PLCZ1: variants seen among roughly 807,000 people sequenced by gnomAD.
PLCZ1 encodes phospholipase C zeta 1, also known as 1-phosphatidylinositol 4,5-bisphosphate phosphodiesterase zeta-1.
Under a neutral mutation model 76.8 loss-of-function variants are expected in PLCZ1, and 64 were observed. That is an observed-to-expected ratio of 0.83 (90% CI 0.68 to 1.03). The LOEUF (loss-of-function observed/expected upper bound fraction) is 1.03. Among genes scored for constraint, PLCZ1 ranks in the 50% least tolerant of loss-of-function variants. The pLI, the probability that PLCZ1 is intolerant of heterozygous loss-of-function variation, is 0.00. For missense variants in PLCZ1, 751 were observed against 713.7 expected, an observed-to-expected ratio of 1.05 and a Z score of -0.60; for synonymous variants, 248 against 230.8, an observed-to-expected ratio of 1.07 and a Z score of -0.68.
chr12:18,652,910 G>A, the PLCZ1 span, among the ~76,000 whole-genome samples: 1 of 151,708 alleles, frequency 6.6e-6, no homozygotes, highest in Non-Finnish European at 1.5e-5. Context: ...TATATGTTCA[G>A]AATATACATA....
chr12:18,706,341 ATATTTT>A (rs1480709280), intron 6 of PLCZ1, among the ~76,000 whole-genome samples: 1 of 152,218 alleles, frequency 6.6e-6, no homozygotes, highest in African/African-American at 2.4e-5. Context: ...GTAGCATGCT[ATATTTT>A]TATTGTTAAT....
intron 7 of PLCZ1, among the ~76,000 whole-genome samples, chr12:18,704,448 C>T (rs531725938): frequency 6.6e-6 from 1 of 152,218 alleles, no homozygotes; most frequent in African/African-American, 2.4e-5. Context: ...GCCTCAGTCT[C>T]CCTAGTAGCT....
chr12:18,723,366 C>T lies in PLCZ1; in HGVS notation c.312G>A (p.Glu104=). Residue 104 remains glutamate, a synonymous_variant, in exon 4 of 15, where the codon GAG becomes GAA. Coordinates refer to ENST00000266505, the MANE Select transcript of PLCZ1 (RefSeq NM_033123.4). Reference sequence around the variant, plus strand: ...TCTCAAAAGCAATAGCTTTACTCATCTCAGCTGCATATTGTTCTTGTGTCA... The same window carrying T: ...TCTCAAAAGCAATAGCTTTACTCATTTCAGCTGCATATTGTTCTTGTGTCA... ...QFLTQEQYAA[E]MSKAIAFEII... 6.2e-7 allele frequency: 1 copy of T among 1,612,916 alleles called. No individual in the cohort carries two copies. The highest frequency in any genetic ancestry group is 8.5e-7 in the Non-Finnish European group (1 of 1,179,416).
chr12:18,676,212 T>C, the PLCZ1 span, among the ~76,000 whole-genome samples: 1 of 152,132 alleles, frequency 6.6e-6, no homozygotes, highest in Non-Finnish European at 1.5e-5. Flanking sequence ...AACCAGGTCC[T>C]AATCATGTTG....
the PLCZ1 span, among the ~76,000 whole-genome samples, chr12:18,667,000 A>G: frequency 9.9e-5 from 15 of 152,192 alleles, no homozygotes; most frequent in African/African-American, 2.7e-4. Context: ...GCCTAGAACT[A>G]AAAATACCGT....
rs781075636 is a variant in PLCZ1, at chr12:18,712,966, C to T, written c.590G>A (p.Arg197His). ...GYVSALVKGC[R>H]CLEIDCWDGA... ...ATCCCAGCAGTCAATCTCCAAACAA[C>T]GGCATCCTTTCACAAGGGCACTAGC... Residue 197 changes from arginine to histidine, a missense_variant, in exon 6 of 15, where the codon CGT (arginine) becomes CAT (histidine). By Grantham distance (29) the Arg-to-His change is conservative. Transcript: ENST00000266505. The T allele has an allele frequency of 2.1e-5, 34 of 1,613,772 alleles. No individual in the cohort carries two copies. Among genetic ancestry groups the T allele is most frequent in the Non-Finnish European group, 2.4e-5 (28 of 1,179,854 alleles).
chr12:18,658,173 TC>T, the PLCZ1 span, among the ~76,000 whole-genome samples: 1 of 151,954 alleles, frequency 6.6e-6, no homozygotes, highest in African/African-American at 2.4e-5. Context: ...TAAAGAAAAA[TC>T]AACAGATCCT....
Position 18,703,699 on chromosome 12 carries a change from A to G in PLCZ1, c.864+1467T>C, listed in dbSNP as rs114725730. ...GGAAAATACTGTAATTCTGTTCTGT[A>G]CCTCTGTTTTTGCCTGTATAAAACA... On this transcript the variant is annotated intron_variant, in intron 7 of 14. Transcript: ENST00000266505. Among the ~76,000 whole-genome samples, 500 of 152,220 alleles carry G rather than the reference A, an allele frequency of 3.3e-3. 5 individuals are homozygous for G. Among genetic ancestry groups the G allele is most frequent in the African/African-American group, 0.012 (479 of 41,550 alleles).
intron 12 of PLCZ1, among the ~76,000 whole-genome samples, chr12:18,688,848 T>C (rs960965864): frequency 3.9e-5 from 6 of 152,006 alleles, no homozygotes; most frequent in Admixed American, 2.6e-4. Flanking sequence ...GGCTAAGAGA[T>C]AGAAGATATA....
At chr12:18,680,210 A>G (rs1313715909), downstream of PLCZ1, among the ~76,000 whole-genome samples, 1 of 152,056 alleles carries the variant, frequency 6.6e-6, no homozygotes, top group Non-Finnish European at 1.5e-5. Context: ...CAATCCCATA[A>G]GCATTTCACT....
chr12:18,696,522 G>A (rs1482490189), intron 10 of PLCZ1, among the ~76,000 whole-genome samples: 2 of 150,878 alleles, frequency 1.3e-5, no homozygotes, highest in Non-Finnish European at 1.5e-5. Context: ...GATCATTCAA[G>A]GAAAAAATTG....
intron 12 of PLCZ1, among the ~76,000 whole-genome samples, chr12:18,691,839 A>G (rs1304678743): frequency 6.6e-6 from 1 of 152,200 alleles, no homozygotes; most frequent in African/African-American, 2.4e-5. Context: ...CAGACAATAC[A>G]AAAGCCAGCT....
chr12:18,648,061 C>G, the PLCZ1 span: 1 of 1,405,858 alleles, frequency 7.1e-7, no homozygotes, highest in East Asian at 2.5e-5. Flanking sequence ...TATTCATTAA[C>G]TACTTGTATT....
chr12:18,713,903 TTTAAA>T (rs1469506214), intron 5 of PLCZ1: 1 of 152,220 alleles, frequency 6.6e-6, no homozygotes, highest in East Asian at 1.9e-4. Context: ...ACCCACTGTG[TTTAAA>T]TTAATTTTCA....
intron 13 of PLCZ1, chr12:18,685,763 C>A: frequency 2.5e-6 from 1 of 395,446 alleles, no homozygotes; most frequent in Non-Finnish European, 5.2e-6. Flanking sequence ...TTTCTTCTTC[C>A]TCCAATCCTA....
At chr12:18,657,458 GA>G in the PLCZ1 span, among the ~76,000 whole-genome samples, 37,841 of 151,978 alleles carry the variant, frequency 0.25, 5,011 homozygotes, top group African/African-American at 0.31. Context: ...CTTACAAGCT[GA>G]AGTGTTGAAG....
the PLCZ1 span, among the ~76,000 whole-genome samples, chr12:18,655,818 A>C: frequency 1.8e-5 from 1 of 55,186 alleles, no homozygotes; most frequent in African/African-American, 6.6e-5. Flanking sequence ...CTTGACTAGT[A>C]CTCCTGAAAC....
chr12:18,721,061 C>T (rs552722799), intron 4 of PLCZ1, among the ~76,000 whole-genome samples: 2 of 152,106 alleles, frequency 1.3e-5, no homozygotes, highest in South Asian at 4.1e-4. Context: ...GTGTATGGAG[C>T]AAATGAATCA....
At chr12:18,719,097 T>C (rs1958281293) in intron 5 of PLCZ1, among the ~76,000 whole-genome samples, 1 of 152,172 alleles carries the variant, frequency 6.6e-6, no homozygotes, top group Non-Finnish European at 1.5e-5. Context: ...GAGGATCTTC[T>C]GACTAGCTAA....
Sources: allele counts gnomAD v4.1 joint callset (sites outside exome capture counted in the v4.1 genomes callset), GRCh38; gene constraint gnomAD v4.1.1; transcripts MANE v1.5; gene names NCBI Gene and HGNC (gene_info 2026-07-23, HGNC 2026-07-21).